Variants in GRIK2 observed in about 807,000 individuals in gnomAD.
The protein encoded by GRIK2 is glutamate receptor ionotropic, kainate 2.
A neutral mutation model predicts 100.3 loss-of-function variants in GRIK2; 32 were observed. The ratio of observed to expected loss-of-function variants is 0.32; its 90% confidence interval spans 0.24 to 0.43. The LOEUF (loss-of-function observed/expected upper bound fraction) is 0.43. Ranked by LOEUF, GRIK2 falls within the 20% of genes least tolerant of loss-of-function variation. GRIK2 has a pLI of 1.00. For synonymous variants in GRIK2, 417 were observed against 389.4 expected, an observed-to-expected ratio of 1.07 and a Z score of -0.83; for missense variants, 843 against 1,114.9, an observed-to-expected ratio of 0.76 and a Z score of 3.47.
chr6:101,541,146 A>G (rs1460324765), intron 2 of GRIK2, among the ~76,000 whole-genome samples: 1 of 151,966 alleles, frequency 6.6e-6, no homozygotes, highest in Non-Finnish European at 1.5e-5. Context: ...TCAAATTTCC[A>G]TGGAAAACCA....
chr6:101,424,636 A>G (rs1667501767), intron 2 of GRIK2, among the ~76,000 whole-genome samples: 1 of 150,800 alleles, frequency 6.6e-6, no homozygotes, highest in Non-Finnish European at 1.5e-5. Context: ...TTACATATGT[A>G]TACATGTGCC....
chr6:101,982,276 T>C (rs1280265592), intron 14 of GRIK2, among the ~76,000 whole-genome samples: 1 of 151,942 alleles, frequency 6.6e-6, no homozygotes. Context: ...CTGTCTCCCA[T>C]GTCTTTCTCT....
intron 2 of GRIK2, among the ~76,000 whole-genome samples, chr6:101,547,447 C>T (rs1562217083): frequency 6.6e-6 from 1 of 152,066 alleles, no homozygotes. Context: ...TTAGATATAT[C>T]TCCTAATGCT....
intron 7 of GRIK2, among the ~76,000 whole-genome samples, chr6:101,696,830 G>A (rs1281730771): frequency 6.6e-6 from 1 of 151,888 alleles, no homozygotes; most frequent in African/African-American, 2.4e-5. Context: ...GGAAAAAGTT[G>A]AGCATGATGA....
chr6:101,911,105 G>C (rs920046460), intron 12 of GRIK2, among the ~76,000 whole-genome samples: 1 of 151,400 alleles, frequency 6.6e-6, no homozygotes, highest in African/African-American at 2.4e-5. Context: ...CAGTAAACAA[G>C]GGAGAAATGA....
chr6:101,998,812 C>CTTTTTTTTTTTT (rs755522043), intron 14 of GRIK2, among the ~76,000 whole-genome samples: 638 of 109,908 alleles, frequency 5.8e-3, no homozygotes, highest in Non-Finnish European at 6.7e-3. Context: ...TTTTTCTTTT[C>CTTTTTTTTTTTT]TTTTTTTTTT....
At chr6:101,924,759 C>T in intron 13 of GRIK2, 40 bp downstream of exon 13, 1 of 1,257,422 alleles carries the variant, frequency 8.0e-7, no homozygotes, top group South Asian at 1.2e-5. Context: ...GGCACCATGT[C>T]CCACTCTTTG....
At chr6:101,942,989 T>C (rs953122532) in intron 14 of GRIK2, among the ~76,000 whole-genome samples, 6 of 152,130 alleles carry the variant, frequency 3.9e-5, no homozygotes, top group Non-Finnish European at 8.8e-5. Flanking sequence ...TTGTAGCAGC[T>C]CCTCCCTTCG....
chr6:101,650,661 C>T (rs1198483445), intron 4 of GRIK2, among the ~76,000 whole-genome samples: 5 of 152,150 alleles, frequency 3.3e-5, no homozygotes, highest in Non-Finnish European at 7.4e-5. Flanking sequence ...GAAATAATCA[C>T]TCCTAAGTGG....
intron 14 of GRIK2, among the ~76,000 whole-genome samples, chr6:101,929,704 A>T (rs1038735778): frequency 2.0e-5 from 3 of 152,116 alleles, no homozygotes; most frequent in African/African-American, 4.8e-5. Flanking sequence ...CTTTGTAAAA[A>T]TTTTTATAAA....
intron 2 of GRIK2, among the ~76,000 whole-genome samples, chr6:101,509,157 CAA>C (rs397885238): frequency 0.26 from 25,477 of 99,690 alleles, 2,349 homozygotes; most frequent in East Asian, 0.46. Flanking sequence ...GACTCTGTCT[CAA>C]AAAAAAAAAA....
chr6:102,026,045 C>T (rs1343516064), intron 14 of GRIK2, among the ~76,000 whole-genome samples: 2 of 143,476 alleles, frequency 1.4e-5, no homozygotes, highest in Admixed American at 1.4e-4. Flanking sequence ...GAGGGGAAAA[C>T]AAGTTTCCTT....
intron 2 of GRIK2, among the ~76,000 whole-genome samples, chr6:101,495,234 A>G (rs973393795): frequency 4.0e-5 from 6 of 151,516 alleles, no homozygotes; most frequent in Non-Finnish European, 8.8e-5. Context: ...GGCCAGGCAC[A>G]GTGGCTCATG....
intron 2 of GRIK2, among the ~76,000 whole-genome samples, chr6:101,508,268 T>G (rs1368354668): frequency 6.6e-6 from 1 of 152,120 alleles, no homozygotes; most frequent in Non-Finnish European, 1.5e-5. Context: ...GGTAGTATAT[T>G]GGGTGTTGCT....
chr6:102,017,332 A>G (rs1260663267), intron 14 of GRIK2, among the ~76,000 whole-genome samples: 1 of 152,196 alleles, frequency 6.6e-6, no homozygotes, highest in African/African-American at 2.4e-5. Context: ...GAACTCACTC[A>G]CTGTCATGAG....
rs530766173 is a variant in GRIK2, at chr6:101,591,254, G to A, written c.116-30695G>A. Among the ~76,000 whole-genome samples, 10 of 150,898 alleles carry A rather than the reference G, an allele frequency of 6.6e-5. 1 individual carries two copies. The East Asian group carries it at 2.0e-3, about 30-fold the overall frequency. ...ATGGTCATTTCTACCTTTGTAACTT[G>A]GATTTACTATAATTTCCACTTAGTA... On this transcript the variant is annotated intron_variant, in intron 2 of 16. Transcript: ENST00000369134.
At chr6:101,498,454 C>T (rs1325440720) in intron 2 of GRIK2, among the ~76,000 whole-genome samples, 1 of 151,710 alleles carries the variant, frequency 6.6e-6, no homozygotes, top group East Asian at 1.9e-4. Context: ...CTGACTTCCA[C>T]AATGGTTGAA....
rs527786780 is a variant in GRIK2, at chr6:101,395,428, G to C, written c.-294+1591G>C. 2.0e-5 allele frequency among the ~76,000 whole-genome samples: 3 copies of C among 152,236 alleles called. No individual in the cohort carries two copies. In the South Asian group the frequency reaches 6.2e-4, roughly 32 times the overall value. On this transcript the variant is annotated intron_variant, in intron 1 of 16. Coordinates refer to ENST00000369134, the MANE Select transcript of GRIK2 (RefSeq NM_021956.5). Reference sequence around the variant, plus strand: ...ATGTAAGAACCTTTGAAACATCTTTGAAATTCAGGTTGTTCTGGGGTATGT... The same window carrying C: ...ATGTAAGAACCTTTGAAACATCTTTCAAATTCAGGTTGTTCTGGGGTATGT...
At chr6:101,498,929 C>A (rs988526366) in intron 2 of GRIK2, among the ~76,000 whole-genome samples, 76 of 151,982 alleles carry the variant, frequency 5.0e-4, no homozygotes, top group Non-Finnish European at 9.3e-4. Context: ...TGTTTTAGAC[C>A]TGAAGTCCTT....
Sources: gnomAD v4.1 joint callset for allele counts (sites outside exome capture counted in the v4.1 genomes callset) on GRCh38, gnomAD v4.1.1 for gene constraint, MANE v1.5 for transcripts, NCBI Gene and HGNC (gene_info 2026-07-23, HGNC 2026-07-21) for gene names.